RERE: variants seen among roughly 807,000 people sequenced by gnomAD.
RERE encodes the protein arginine-glutamic acid dipeptide repeats protein.
A neutral mutation model predicts 146.1 loss-of-function variants in RERE; 40 were observed. The observed-to-expected ratio is 0.27, with a 90% confidence interval of 0.21 to 0.36. The LOEUF is 0.36. Ranked by LOEUF, RERE falls within the 10% of genes least tolerant of loss-of-function variation. The pLI is 1.00. For synonymous variants in RERE, 1,003 were observed against 866.0 expected, an observed-to-expected ratio of 1.16 and a Z score of -2.78; for missense variants, 1,933 against 2,138.7, an observed-to-expected ratio of 0.90 and a Z score of 1.90.
rs1276613528 is a variant in RERE, at chr1:8,363,719, G to A, written c.1740+337C>T. ...CAAACACACTAACACAAAAGAGCCT[G>A]CAAGTTTAAAATAGCAGAGATTTGA... On this transcript the variant is annotated intron_variant, in intron 15 of 22. Transcript: ENST00000400908. 7.7e-5 allele frequency: 24 copies of A among 311,636 alleles called. No homozygotes were observed. In the East Asian group the frequency reaches 1.6e-3, roughly 20 times the overall value. 19.3% of individuals were successfully genotyped at this position (311,636 alleles called of 1,614,324 possible).
At chr1:8,710,547 C>A (rs879023591) in intron 1 of RERE, among the ~76,000 whole-genome samples, 6 of 152,178 alleles carry the variant, frequency 3.9e-5, no homozygotes, top group African/African-American at 1.4e-4. Context: ...GAGACGGAGT[C>A]TCGCTGTGTC....
At chr1:8,789,295 A>ATATATATAT (rs1464137830) in intron 1 of RERE, among the ~76,000 whole-genome samples, 4 of 72,518 alleles carry the variant, frequency 5.5e-5, no homozygotes, top group Non-Finnish European at 1.1e-4. Context: ...AAAAAAAAAA[A>ATATATATAT]AAAAAAATAT....
At chr1:8,713,823 T>C (rs1002963245) in intron 1 of RERE, among the ~76,000 whole-genome samples, 1 of 152,204 alleles carries the variant, frequency 6.6e-6, no homozygotes, top group African/African-American at 2.4e-5. Flanking sequence ...ACATTAAAGG[T>C]ATTTTATTTC....
At chr1:8,813,932 A>G (rs1641863001) in intron 1 of RERE, among the ~76,000 whole-genome samples, 1 of 152,130 alleles carries the variant, frequency 6.6e-6, no homozygotes, top group Admixed American at 6.6e-5. Flanking sequence ...CCTATTTTTT[A>G]AAAGCTTTTT....
At chr1:8,809,157 A>AAAAAAAAAAAAAAAAAATAAAT (rs985140466) in intron 1 of RERE, among the ~76,000 whole-genome samples, 1 of 146,122 alleles carries the variant, frequency 6.8e-6, no homozygotes, top group African/African-American at 2.8e-5. Context: ...AAAAAAAAAA[A>AAAAAAAAAAAAAAAAAATAAAT]AAAGTACTGA....
chr1:8,481,186 G>C (rs1048374116), intron 10 of RERE, among the ~76,000 whole-genome samples: 3 of 152,110 alleles, frequency 2.0e-5, no homozygotes, highest in Non-Finnish European at 4.4e-5. Context: ...GCGCGATCTC[G>C]GCTCACTGCA....
At chr1:8,421,213 G>A (rs189611702) in intron 12 of RERE, among the ~76,000 whole-genome samples, 146 of 152,316 alleles carry the variant, frequency 9.6e-4, no homozygotes, top group Non-Finnish European at 1.6e-3. Flanking sequence ...CAATCTGAGC[G>A]ATCAGGAGAA....
chr1:8,452,762 C>A (rs1425187393), intron 11 of RERE, among the ~76,000 whole-genome samples: 1 of 152,152 alleles, frequency 6.6e-6, no homozygotes, highest in African/African-American at 2.4e-5. Context: ...AAAGACCTTC[C>A]TTTTTCCATG....
chr1:8,566,244 G>A (rs982529167), intron 4 of RERE, among the ~76,000 whole-genome samples: 3 of 152,118 alleles, frequency 2.0e-5, no homozygotes, highest in African/African-American at 7.2e-5. Flanking sequence ...CACGGCTGTG[G>A]CACAGCTCCC....
intron 1 of RERE, among the ~76,000 whole-genome samples, chr1:8,758,202 G>A (rs1468878021): frequency 6.6e-6 from 1 of 151,200 alleles, no homozygotes; most frequent in Non-Finnish European, 1.5e-5. Context: ...TCTCCTGCCT[G>A]AGTCTCTCGA....
At chr1:8,540,485 G>T (rs1645786897) in intron 7 of RERE, among the ~76,000 whole-genome samples, 1 of 152,090 alleles carries the variant, frequency 6.6e-6, no homozygotes, top group Non-Finnish European at 1.5e-5. Context: ...TATATTACTT[G>T]ATCAGTGGCT....
chr1:8,698,917 C>A (rs1285093690), intron 1 of RERE, among the ~76,000 whole-genome samples: 1 of 152,010 alleles, frequency 6.6e-6, no homozygotes, highest in Non-Finnish European at 1.5e-5. Context: ...TAAATGTTTT[C>A]TTCTTTTTTG....
chr1:8,419,157 T>C (rs917041322), intron 12 of RERE, among the ~76,000 whole-genome samples: 16 of 152,148 alleles, frequency 1.1e-4, no homozygotes, highest in African/African-American at 3.9e-4. Context: ...AAAAGTATAA[T>C]AAACTACAGG....
At chr1:8,575,619 C>A (rs1043477035) in intron 4 of RERE, among the ~76,000 whole-genome samples, 1 of 146,418 alleles carries the variant, frequency 6.8e-6, no homozygotes, top group Non-Finnish European at 1.5e-5. Flanking sequence ...TGGTCGCTAA[C>A]TGCTGGCTCA....
intron 1 of RERE, chr1:8,799,459 TACAAG>T (rs546650020): frequency 2.0e-5 from 4 of 200,588 alleles, no homozygotes; most frequent in Non-Finnish European, 4.3e-5. Flanking sequence ...CAAAGAGAGG[TACAAG>T]ACAGTCAAGA....
At chr1:8,787,091 G>A (rs935706025) in intron 1 of RERE, among the ~76,000 whole-genome samples, 1 of 152,208 alleles carries the variant, frequency 6.6e-6, no homozygotes, top group African/African-American at 2.4e-5. Flanking sequence ...TGGTCCACAG[G>A]GAACTTTATG....
chr1:8,386,022 A>ATATATTTTTTT (rs1186333936), intron 12 of RERE, among the ~76,000 whole-genome samples: 1 of 26,624 alleles, frequency 3.8e-5, no homozygotes, highest in Non-Finnish European at 6.0e-5. Context: ...ATATATATAT[A>ATATATTTTTTT]TTTTTTTTTT....
chr1:8,695,899 C>A (rs1220716791), intron 1 of RERE, among the ~76,000 whole-genome samples: 1 of 152,082 alleles, frequency 6.6e-6, no homozygotes, highest in Non-Finnish European at 1.5e-5. Context: ...AAACAAATAA[C>A]CCCATTACAA....
In RERE at chr1:8,550,009, G is replaced by A. The variant is rs187435372; in HGVS notation, c.725+6466C>T. On this transcript the variant is annotated intron_variant, in intron 6 of 22. Transcript: ENST00000400908. ...CCATATAAGATCCTAGAACAACAACGAGGACATTGCTGAAAATCAAAGAGA... is the reference window on the plus strand; with the variant it reads ...CCATATAAGATCCTAGAACAACAACAAGGACATTGCTGAAAATCAAAGAGA... Among the ~76,000 whole-genome samples the A allele has an allele frequency of 1.2e-4, 19 of 152,284 alleles. 1 individual carries two copies. The South Asian group carries it at 1.5e-3, about 12-fold the overall frequency.
Sources: allele counts gnomAD v4.1 joint callset (sites outside exome capture counted in the v4.1 genomes callset), GRCh38; gene constraint gnomAD v4.1.1; transcripts MANE v1.5; gene names NCBI Gene and HGNC (gene_info 2026-07-23, HGNC 2026-07-21).